Variants in DPY19L4 observed in about 807,000 individuals in gnomAD.
DPY19L4 encodes the protein probable C-mannosyltransferase DPY19L4.
In DPY19L4, 97 loss-of-function variants were observed where a neutral mutation model predicts 102.8. That is an observed-to-expected ratio of 0.94 (90% CI 0.80 to 1.12). The LOEUF (loss-of-function observed/expected upper bound fraction) is 1.12. DPY19L4 is among the 50% of genes most tolerant of loss of function. DPY19L4 has a pLI of 0.00. For missense variants in DPY19L4, 815 were observed against 850.4 expected, an observed-to-expected ratio of 0.96 and a Z score of 0.52; for synonymous variants, 252 against 283.1, an observed-to-expected ratio of 0.89 and a Z score of 1.10.
chr8:94,731,794 C>T (rs571080351), intron 2 of DPY19L4, among the ~76,000 whole-genome samples: 8 of 152,280 alleles, frequency 5.3e-5, no homozygotes, highest in Admixed American at 3.9e-4. Flanking sequence ...CTCTGTTGCC[C>T]AGGCTGGAGT....
chr8:94,759,723 G>T (rs925042292), intron 7 of DPY19L4, among the ~76,000 whole-genome samples: 4 of 150,850 alleles, frequency 2.7e-5, no homozygotes, highest in Non-Finnish European at 4.4e-5. Context: ...GGCTGGTCTC[G>T]AACTCCCGAC....
intron 12 of DPY19L4, among the ~76,000 whole-genome samples, 185 bp from the exon 13 acceptor site, chr8:94,770,267 T>C (rs1310840923): frequency 6.6e-6 from 1 of 152,192 alleles, no homozygotes; most frequent in Admixed American, 6.6e-5. Flanking sequence ...TCGCAGAAAC[T>C]TAGAGACATA....
At chr8:94,743,026 A>AT (rs989087177) in intron 6 of DPY19L4, among the ~76,000 whole-genome samples, 52 of 150,966 alleles carry the variant, frequency 3.4e-4, no homozygotes, top group African/African-American at 1.0e-3. Context: ...ATTTTATTTT[A>AT]TTTATTTATT....
intron 7 of DPY19L4, among the ~76,000 whole-genome samples, chr8:94,757,477 T>G (rs564731251): frequency 6.6e-6 from 1 of 152,142 alleles, no homozygotes; most frequent in Non-Finnish European, 1.5e-5. Flanking sequence ...TGGCGTGATC[T>G]CTGCTCACTG....
At chr8:94,720,162 G>GGAGA in intron 1 of DPY19L4, 148 bp downstream of exon 1, 1 of 1,369,016 alleles carries the variant, frequency 7.3e-7, no homozygotes, top group Non-Finnish European at 9.4e-7. Flanking sequence ...GCGGCGCCCA[G>GGAGA]GAGAGGACTG....
At chr8:94,731,105 G>T (rs954026695) in intron 2 of DPY19L4, among the ~76,000 whole-genome samples, 11 of 146,264 alleles carry the variant, frequency 7.5e-5, no homozygotes, top group African/African-American at 2.8e-4. Context: ...TTTATATATA[G>T]AAATTGGTTG....
rs550775863 is a variant in DPY19L4, at chr8:94,734,629, G to A, written c.128-1G>A. 8.6e-5 allele frequency: 139 copies of A among 1,611,294 alleles called. No individual in the cohort carries two copies. In the South Asian group the frequency reaches 1.5e-3, roughly 17 times the overall value. ...TCATTACTTTTAATATACTTTTTCA[G>A]ATGTATTATTTCAACGCTTTGCAAA... On this transcript the variant is annotated splice_acceptor_variant, in intron 2 of 18. Transcript: ENST00000414645. LOFTEE classifies it high-confidence loss of function.
At chr8:94,734,801 A>G (rs1811127277) in intron 3 of DPY19L4, 47 bp downstream of exon 3, 1 of 1,610,714 alleles carries the variant, frequency 6.2e-7, no homozygotes, top group African/African-American at 1.3e-5. Context: ...TTCCCAGGGA[A>G]CCAGAATGTA....
intron 2 of DPY19L4, among the ~76,000 whole-genome samples, chr8:94,733,450 G>A (rs532600760): frequency 1.3e-5 from 2 of 152,112 alleles, no homozygotes; most frequent in Admixed American, 6.5e-5. Flanking sequence ...TAAGTGTAGC[G>A]TTCTATTGTG....
At position 94,730,044 on chromosome 8, in the gene DPY19L4, G is replaced by A. The variant is rs149401884; in HGVS notation, c.127+3603G>A. Among the ~76,000 whole-genome samples, 259 of 151,614 alleles carry A rather than the reference G, an allele frequency of 1.7e-3. 2 individuals carry two copies. In the Middle Eastern group the frequency reaches 0.041, roughly 24 times the overall value. On this transcript the variant is annotated intron_variant, in intron 2 of 18. Coordinates refer to ENST00000414645, the MANE Select transcript of DPY19L4 (RefSeq NM_181787.3). ...AAATACTCTTAAAATTTTGGCATAA[G>A]TGTGGCTTTTTTCTATGTACTTATA...
Position 94,739,772 on chromosome 8 carries a change from C to T in DPY19L4, c.593C>T (p.Ala198Val), listed in dbSNP as rs754321957. The T allele has an allele frequency of 2.2e-5, 36 of 1,612,154 alleles. No homozygotes were observed. Among genetic ancestry groups the T allele is most frequent in the South Asian group, 1.4e-4 (13 of 91,002 alleles). Residue 198 changes from alanine to valine, a missense_variant, in exon 6 of 19, where the codon GCG (alanine) becomes GTG (valine). Physicochemically the swap from Ala to Val is moderately conservative, Grantham distance 64. Transcript: ENST00000414645. ...GTWLAGMLTV[A>V]WFVINRVDTT... ...TGGCTAGCAGGAATGCTTACTGTTG[C>T]GTGGTTCGTTATTAACAGGTAAGAA...
intron 4 of DPY19L4, among the ~76,000 whole-genome samples, chr8:94,738,844 G>A (rs1429201885): frequency 6.6e-6 from 1 of 151,946 alleles, no homozygotes; most frequent in Non-Finnish European, 1.5e-5. Flanking sequence ...ATAAAACTTT[G>A]TTCTTCTATT....
chr8:94,733,120 T>A (rs1270514782), intron 2 of DPY19L4, among the ~76,000 whole-genome samples: 7 of 67,534 alleles, frequency 1.0e-4, no homozygotes, highest in Admixed American at 4.3e-4. Context: ...ATCTTAACCT[T>A]TTTTTTTTTT....
At chr8:94,726,234 G>A in intron 1 of DPY19L4, 97 bp from the exon 2 acceptor site, 1 of 891,244 alleles carries the variant, frequency 1.1e-6, no homozygotes, top group Admixed American at 3.2e-5. Context: ...AGGTCTTAGT[G>A]GTACTTTTGC....
At chr8:94,764,872 G>C (rs1812599228) in intron 8 of DPY19L4, among the ~76,000 whole-genome samples, 1 of 149,804 alleles carries the variant, frequency 6.7e-6, no homozygotes, top group South Asian at 2.1e-4. Context: ...GGGATTACAG[G>C]TTCCTGCCAC....
At chr8:94,768,759 C>T (rs568113195) in intron 12 of DPY19L4, among the ~76,000 whole-genome samples, 2 of 151,932 alleles carry the variant, frequency 1.3e-5, no homozygotes, top group East Asian at 3.9e-4. Flanking sequence ...TTTGGGAGGC[C>T]GAAGCGGGCA....
intron 13 of DPY19L4, 51 bp from the exon 14 acceptor site, chr8:94,777,615 A>T (rs1232647928): frequency 6.4e-7 from 1 of 1,558,896 alleles, no homozygotes; most frequent in Non-Finnish European, 8.7e-7. Flanking sequence ...AAATTAGATA[A>T]TAATGATGTT....
chr8:94,785,681 T>G (rs1813622220), intron 17 of DPY19L4, among the ~76,000 whole-genome samples: 1 of 152,180 alleles, frequency 6.6e-6, no homozygotes, highest in Admixed American at 6.5e-5. Context: ...AAGAACAGAT[T>G]GAAGCAGGCA....
chr8:94,780,073 T>A (rs1813362775), intron 14 of DPY19L4, among the ~76,000 whole-genome samples: 1 of 152,186 alleles, frequency 6.6e-6, no homozygotes, highest in Admixed American at 6.5e-5. Context: ...TTTTCAAGTA[T>A]CCACTTGCCA....
Sources: gnomAD v4.1 joint callset for allele counts (sites outside exome capture counted in the v4.1 genomes callset) on GRCh38, gnomAD v4.1.1 for gene constraint, MANE v1.5 for transcripts, NCBI Gene and HGNC (gene_info 2026-07-23, HGNC 2026-07-21) for gene names.